FBXO41: variants seen among roughly 807,000 people sequenced by gnomAD.
FBXO41 encodes the protein F-box protein 41.
A neutral mutation model predicts 81.6 loss-of-function variants in FBXO41; 33 were observed. That is an observed-to-expected ratio of 0.40 (90% CI 0.31 to 0.54). The LOEUF (loss-of-function observed/expected upper bound fraction) is 0.54. FBXO41 is among the 20% of genes least tolerant of loss of function. The pLI is 0.39. For synonymous variants in FBXO41, 576 were observed against 552.7 expected (o/e 1.04, Z -0.59); for missense variants, 1,107 against 1,236.0 (o/e 0.90, Z 1.56).
chr2:73,268,935 G>A lies in FBXO41; in HGVS notation c.696C>T (p.Gly232=), dbSNP rs374830404. ...LSEEVEQKIA[G]QVGRLQAELE... The stretch of plus-strand genomic sequence containing the variant: ...GCTCGGCCTGCAGCCGGCCCACCTG[G>A]CCCGCGATCTTCTGCTCCACCTCCT... Residue 232 remains glycine (G), a synonymous_variant, in exon 2 of 13, where the codon GGC becomes GGT. Coordinates refer to ENST00000520530, the MANE Select transcript of FBXO41 (RefSeq NM_001371389.2). 10 of 1,540,028 alleles carry A rather than the reference G, an allele frequency of 6.5e-6. 1 individual carries two copies. The highest frequency in any genetic ancestry group is 5.5e-5 in the African/African-American group (4 of 73,024).
chr2:73,273,592 G>C (rs746802473), intron 1 of FBXO41, among the ~76,000 whole-genome samples: 1 of 152,150 alleles, frequency 6.6e-6, no homozygotes, highest in Non-Finnish European at 1.5e-5. Flanking sequence ...AGTCTGGGCC[G>C]ATACAGTCAC....
In FBXO41 at chr2:73,269,112, A is replaced by G. The variant is rs1241457588; in HGVS notation, c.519T>C (p.Pro173=). Residue 173 remains proline (P), a synonymous_variant, in exon 2 of 13, where the codon CCT becomes CCC. Transcript: ENST00000520530. The surrounding 1 kb of genome is among the most constrained non-coding windows in gnomAD (Gnocchi z 7.0). ...VASSACSTPP[P]GPGPGPCPGP... ...CGGGGCAAGGGCCGGGGCCGGGGCC[A>G]GGCGGCGGCGTCGAGCACGCCGAGG... 1.3e-6 allele frequency: 2 copies of G among 1,508,964 alleles called. No individual in the cohort carries two copies. The highest frequency in any genetic ancestry group is 1.8e-6 in the Non-Finnish European group (2 of 1,136,732). 93.5% of individuals were successfully genotyped at this position (1,508,964 alleles called of 1,614,324 possible).
At chr2:73,271,920 C>T (rs190793209) in intron 1 of FBXO41, among the ~76,000 whole-genome samples, 102 of 152,362 alleles carry the variant, frequency 6.7e-4, no homozygotes, top group African/African-American at 2.4e-3. Flanking sequence ...TGAGCCACTG[C>T]ACCTAGCCCC....
chr2:73,268,599 G>A (rs1688364706), intron 2 of FBXO41, 127 bp downstream of exon 2: 18 of 921,472 alleles, frequency 2.0e-5, no homozygotes, highest in Non-Finnish European at 2.8e-5. Context: ...GCATGCTCCT[G>A]GCCACGGATC....
rs566633221 is a variant in FBXO41, at chr2:73,263,926, C to T, written c.1922+12G>A. The T allele has an allele frequency of 3.8e-5, 62 of 1,612,616 alleles. No homozygotes were observed. The highest frequency in any genetic ancestry group is 1.3e-4 in the Admixed American group (8 of 59,742). On this transcript the variant is annotated intron_variant, in intron 7 of 12. Transcript: ENST00000520530. ...CCAACAGCACCCACCACCCACCCAT[C>T]GCAGGCCTCACCGGGTGCTCCGGGC...
chr2:73,260,271 C>T lies in FBXO41; in HGVS notation c.2449+118G>A. 1 of 1,356,594 alleles carries T rather than the reference C, an allele frequency of 7.4e-7. No homozygotes were observed. Among genetic ancestry groups the T allele is most frequent in the South Asian group, 1.4e-5 (1 of 71,002 alleles). 84.0% of individuals were successfully genotyped at this position (1,356,594 alleles called of 1,614,324 possible). A position where few individuals can be genotyped will look rare whatever the true frequency, so the allele number is the denominator to read the frequency against. ...CCAGTGCTCTTAACCTGTCCCCCTG[C>T]CTCTGCCCTTGGCTGGAGACTCTGA... is the stretch of plus-strand genomic sequence containing the variant. On this transcript the variant is annotated intron_variant, in intron 11 of 12. Coordinates refer to ENST00000520530, the MANE Select transcript of FBXO41 (RefSeq NM_001371389.2). The surrounding 1 kb of genome is among the most constrained non-coding windows in gnomAD (Gnocchi z 5.0).
At position 73,256,088 on chromosome 2, in the gene FBXO41, CTG is replaced by C. The variant is rs374446963; in HGVS notation, c.*2892_*2893del. ...CTCCCAGGTAGGTACTGGGGCCAGACTGGATGGCAGGGGGTGGTAGAAACACC... is the reference window on the plus strand; with the variant it reads ...CTCCCAGGTAGGTACTGGGGCCAGACGATGGCAGGGGGTGGTAGAAACACC... On this transcript the variant is annotated 3_prime_UTR_variant, in exon 13 of 13. Coordinates refer to ENST00000520530, the MANE Select transcript of FBXO41 (RefSeq NM_001371389.2). 4 of 152,322 alleles carry C rather than the reference CTG, an allele frequency of 2.6e-5. No homozygotes were observed. Among genetic ancestry groups the C allele is most frequent in the African/African-American group, 7.2e-5 (3 of 41,560 alleles). 9.4% of individuals were successfully genotyped at this position (152,322 alleles called of 1,614,324 possible). A position where few individuals can be genotyped will look rare whatever the true frequency, so the allele number is the denominator to read the frequency against.
At position 73,260,555 on chromosome 2, in the gene FBXO41, G is replaced by A. The variant is rs1687974786; in HGVS notation, c.2291-8C>T. 7 of 1,581,830 alleles carry A rather than the reference G, an allele frequency of 4.4e-6. No homozygotes were observed. The highest frequency in any genetic ancestry group is 6.0e-6 in the Non-Finnish European group (7 of 1,164,440). The stretch of plus-strand genomic sequence containing the variant: ...GCCGCATGCAGTTTCTCGCTAGGAA[G>A]AGGAAGAAGGGGGATCCTGCTGACA... On this transcript the variant is annotated splice_region_variant and splice_polypyrimidine_tract_variant and intron_variant, in intron 10 of 12. Coordinates refer to ENST00000520530, the MANE Select transcript of FBXO41 (RefSeq NM_001371389.2). This position sits in a 1 kb window ranked among gnomAD's most constrained non-coding sequence, Gnocchi z 5.0.
Position 73,284,392 on chromosome 2 carries a change from A to ATGGAGGAGG in FBXO41, c.-380_-372dup, listed in dbSNP as rs1369560626. On this transcript the variant is annotated 5_prime_UTR_variant, in exon 1 of 13. Coordinates refer to ENST00000520530, the MANE Select transcript of FBXO41 (RefSeq NM_001371389.2). This position sits in a 1 kb window ranked among gnomAD's most constrained non-coding sequence, Gnocchi z 7.4. ...GCGCACGAACCCGGCGGGAGGAAGGATGGAGGAGGAGGAGGAGGAGGAGGG... is the reference window on the plus strand; with the variant it reads ...GCGCACGAACCCGGCGGGAGGAAGGATGGAGGAGGTGGAGGAGGAGGAGGAGGAGGAGGG... 6.0e-5 allele frequency: 9 copies of ATGGAGGAGG among 151,246 alleles called. No individual in the cohort carries two copies. The highest frequency in any genetic ancestry group is 3.3e-3 in the Middle Eastern group (1 of 300). The allele number at this position is 151,246 out of a possible 1,614,324, so 9.4% of individuals were successfully genotyped here. A position where few individuals can be genotyped will look rare whatever the true frequency, so the allele number is the denominator to read the frequency against.
Position 73,266,363 on chromosome 2 carries a change from G to A in FBXO41, c.1131+94C>T, listed in dbSNP as rs1688276571. ...GGTAAAAGCCAAAGAAGGGGCGAAT[G>A]CGGCATCATGGGGGAGATGTCCAGC... On this transcript the variant is annotated intron_variant, in intron 3 of 12. Transcript: ENST00000520530. The surrounding 1 kb of genome is among the most constrained non-coding windows in gnomAD (Gnocchi z 5.3). The A allele has an allele frequency of 7.4e-7, 1 of 1,360,424 alleles. No individual in the cohort carries two copies. 84.3% of individuals were successfully genotyped at this position (1,360,424 alleles called of 1,614,324 possible).
chr2:73,266,542 C>T lies in FBXO41; in HGVS notation c.1046G>A (p.Ser349Asn). 6.2e-7 allele frequency: 1 copy of T among 1,608,512 alleles called. No homozygotes were observed. Among genetic ancestry groups the T allele is most frequent in the South Asian group, 1.1e-5 (1 of 90,526 alleles). ...GCTGGCGCTGGGCGTGCTGCCACAG[C>T]TGCTGCTGATGACCTGCAGCTGCCG... ...AERQLQVISS[S>N]CGSTPSASLG... The change falls in exon 3 of 13, where the codon AGC becomes AAC. Residue 349 changes from serine to asparagine, a missense_variant. Around this residue, in one of 2 missense-constraint regions of FBXO41, gnomAD observed 771 missense variants for 789.2 expected, o/e 0.98. Transcript: ENST00000520530. This position sits in a 1 kb window ranked among gnomAD's most constrained non-coding sequence, Gnocchi z 5.3.
Position 73,259,442 on chromosome 2 carries a change from C to A in FBXO41, c.2450-146G>T. On this transcript the variant is annotated intron_variant, in intron 11 of 12. Coordinates refer to ENST00000520530, the MANE Select transcript of FBXO41 (RefSeq NM_001371389.2). This position sits in a 1 kb window ranked among gnomAD's most constrained non-coding sequence, Gnocchi z 4.2. ...AGAGCAGACTCATGCCACCTGGGGG[C>A]TGGCGACCGGATGCGGGGAGAGGTA... is the stretch of plus-strand genomic sequence containing the variant. The A allele has an allele frequency of 2.9e-6, 2 of 694,540 alleles. No homozygotes were observed. Among genetic ancestry groups the A allele is most frequent in the African/African-American group, 1.8e-5 (1 of 56,548 alleles). The allele number at this position is 694,540 out of a possible 1,614,324, so 43.0% of individuals were successfully genotyped here.
At position 73,263,867 on chromosome 2, in the gene FBXO41, C is replaced by T. The variant is rs747663202; in HGVS notation, c.1923-37G>A. The T allele has an allele frequency of 1.9e-6, 3 of 1,613,978 alleles. No individual in the cohort carries two copies. The African/African-American group carries it at 4.0e-5, about 22-fold the overall frequency. ...CAAGAGGTCAGAGAGCTGGCAACCTCCTCCTCTGGGAAACTTAATTCCAGG... is the reference window on the plus strand; with the variant it reads ...CAAGAGGTCAGAGAGCTGGCAACCTTCTCCTCTGGGAAACTTAATTCCAGG... On this transcript the variant is annotated intron_variant, in intron 7 of 12. Coordinates refer to ENST00000520530, the MANE Select transcript of FBXO41 (RefSeq NM_001371389.2).
chr2:73,269,581 T>A lies in FBXO41; in HGVS notation c.50A>T (p.Lys17Met). 1 of 1,332,134 alleles carries A rather than the reference T, an allele frequency of 7.5e-7. No homozygotes were observed. The allele number at this position is 1,332,134 out of a possible 1,614,324, so 82.5% of individuals were successfully genotyped here. Reference sequence around the variant, plus strand: ...CAGCGACGACAGGCTCCGGAAGCGCTTGTGCTCCCCGCAGCGGGGGCAGCG... The same window carrying A: ...CAGCGACGACAGGCTCCGGAAGCGCATGTGCTCCCCGCAGCGGGGGCAGCG... The part of the protein sequence containing the change: ...PYRCPRCGEH[K>M]RFRSLSSLRA... Residue 17 changes from lysine (K) to methionine (M), a missense_variant, in exon 2 of 13, where the codon AAG becomes ATG. This residue lies in a region of FBXO41 where 771 missense variants were observed against 789.2 expected (regional missense o/e 0.98). Coordinates refer to ENST00000520530, the MANE Select transcript of FBXO41 (RefSeq NM_001371389.2). This position sits in a 1 kb window ranked among gnomAD's most constrained non-coding sequence, Gnocchi z 7.0.
chr2:73,273,816 A>T (rs535512505), intron 1 of FBXO41, among the ~76,000 whole-genome samples: 2 of 152,284 alleles, frequency 1.3e-5, no homozygotes, highest in South Asian at 2.1e-4. Flanking sequence ...GTCTCTAGTA[A>T]TGAGACTCCA....
rs1688370455 is a variant in FBXO41, at chr2:73,268,750, TC to T, written c.880del (p.Glu294AsnfsTer4). 1 of 1,562,694 alleles carries T rather than the reference TC, an allele frequency of 6.4e-7. No homozygotes were observed. The highest frequency in any genetic ancestry group is 8.7e-7 in the Non-Finnish European group (1 of 1,151,810). On this transcript the variant is annotated frameshift_variant, in exon 2 of 13. Coordinates refer to ENST00000520530, the MANE Select transcript of FBXO41 (RefSeq NM_001371389.2). LOFTEE classifies it high-confidence loss of function. ...CTGCTGCTTGCGGCTCAGCTCCTGT[TC>T]CTTGTGCACCAGGTCCTGCTTGAGT... is the stretch of plus-strand genomic sequence containing the variant. ...ASLKQDLVHK[E>X]QELSRKQQEV...
chr2:73,260,596 C>A lies in FBXO41; in HGVS notation c.2291-49G>T. Reference sequence around the variant, plus strand: ...CCTGCTGACACACTCCCCAGGTCACCCCTGCAGCCAGCACCCTGGCTACCA... The same window carrying A: ...CCTGCTGACACACTCCCCAGGTCACACCTGCAGCCAGCACCCTGGCTACCA... On this transcript the variant is annotated intron_variant, in intron 10 of 12. Coordinates refer to ENST00000520530, the MANE Select transcript of FBXO41 (RefSeq NM_001371389.2). The surrounding 1 kb of genome is among the most constrained non-coding windows in gnomAD (Gnocchi z 5.0). 6.4e-7 allele frequency: 1 copy of A among 1,553,890 alleles called. No individual in the cohort carries two copies. The highest frequency in any genetic ancestry group is 8.7e-7 in the Non-Finnish European group (1 of 1,148,810).
chr2:73,275,124 C>T (rs888291699), intron 1 of FBXO41, among the ~76,000 whole-genome samples: 1 of 151,328 alleles, frequency 6.6e-6, no homozygotes, highest in Admixed American at 6.6e-5. Flanking sequence ...CTCCTGACCT[C>T]GTGATCTGCC....
chr2:73,267,174 C>A (rs1688305390), intron 2 of FBXO41, among the ~76,000 whole-genome samples: 2 of 152,312 alleles, frequency 1.3e-5, no homozygotes, highest in Non-Finnish European at 2.9e-5. Context: ...TGTCACATAT[C>A]CCCACACAGA....
Sources: allele counts gnomAD v4.1 joint callset (sites outside exome capture counted in the v4.1 genomes callset), GRCh38; gene constraint gnomAD v4.1.1; regional missense constraint gnomAD v4.1.1; non-coding constraint Gnocchi (gnomAD v3.1); transcripts MANE v1.5; gene names NCBI Gene and HGNC (gene_info 2026-07-23, HGNC 2026-07-21).